The following FRS2 variants were observed in gnomAD, a reference collection of about 807,000 sequenced individuals.
FRS2 encodes the protein FGFR signalling adaptor.
A neutral mutation model predicts 43.9 loss-of-function variants in FRS2; 8 were observed. The observed-to-expected ratio is 0.18, with a 90% CI of 0.11 to 0.33. The LOEUF (loss-of-function observed/expected upper bound fraction) is 0.33, where lower values mean the gene tolerates loss of function less well. Ranked by LOEUF, FRS2 falls within the 10% of genes least tolerant of loss-of-function variation. The pLI is 1.00. For synonymous variants in FRS2, 219 were observed against 220.3 expected (o/e 0.99, Z 0.05); for missense variants, 534 against 627.6 (o/e 0.85, Z 1.59).
chr12:69,556,008 CGGG>C (rs10666921), intron 3 of FRS2, among the ~76,000 whole-genome samples: 4,857 of 123,548 alleles, frequency 0.039, 178 homozygotes, highest in African/African-American at 0.08. Context: ...GTGTGTGTGG[CGGG>C]GGGGGGGGCG....
intron 3 of FRS2, among the ~76,000 whole-genome samples, chr12:69,534,477 C>T (rs1364936999): frequency 6.6e-6 from 1 of 152,094 alleles, no homozygotes; most frequent in East Asian, 1.9e-4. Context: ...GAAAGGAAAA[C>T]CTCTCCTCTC....
intron 3 of FRS2, among the ~76,000 whole-genome samples, chr12:69,538,578 T>A (rs1877567384): frequency 6.6e-6 from 1 of 152,042 alleles, no homozygotes; most frequent in Admixed American, 6.5e-5. Context: ...GTAAGGAGTG[T>A]GTGTGGGGGT....
At chr12:69,480,122 A>G (rs915655264) in intron 1 of FRS2, among the ~76,000 whole-genome samples, 3 of 152,208 alleles carry the variant, frequency 2.0e-5, no homozygotes, top group Admixed American at 2.0e-4. Context: ...TTATGGTTAA[A>G]TACATATAAC....
rs114231953 is a variant in FRS2 at position 69,527,109 on chromosome 12, A to G, written c.-260-3756A>G. Among the ~76,000 whole-genome samples the G allele has an allele frequency of 1.5e-3, 233 of 152,270 alleles. 1 individual carries two copies. The highest frequency in any genetic ancestry group is 0.01 in the Middle Eastern group (3 of 294). On this transcript the variant is annotated intron_variant, in intron 1 of 8. Coordinates refer to ENST00000549921, the MANE Select transcript of FRS2 (RefSeq NM_001278356.2). ...CTGACTTTTCTAAGTGTATGGAATA[A>G]CAATCAGTCATTTAAAGGTGATTTG...
At chr12:69,527,619 C>T (rs748056892) in intron 1 of FRS2, among the ~76,000 whole-genome samples, 5 of 152,066 alleles carry the variant, frequency 3.3e-5, no homozygotes, top group Non-Finnish European at 4.4e-5. Flanking sequence ...GATTTGGAAT[C>T]CTGAGGCTAT....
chr12:69,543,605 T>C (rs982725372), intron 3 of FRS2, among the ~76,000 whole-genome samples: 2 of 151,448 alleles, frequency 1.3e-5, no homozygotes, highest in East Asian at 3.9e-4. Flanking sequence ...CATCATGGGC[T>C]AGTGGGTAAG....
At chr12:69,524,687 C>A (rs1355391167) in intron 1 of FRS2, among the ~76,000 whole-genome samples, 1 of 152,148 alleles carries the variant, frequency 6.6e-6, no homozygotes, top group Non-Finnish European at 1.5e-5. Context: ...CAGGTCAATT[C>A]TAGGGGAATG....
Position 69,485,004 on chromosome 12 carries a change from G to C in FRS2, c.-261+14474G>C, listed in dbSNP as rs141644729. ...CATGCACCTGTGGTCCCAGCTACTT[G>C]AGAGGCTGAGGTGGAAGGATCACTT... On this transcript the variant is annotated intron_variant, in intron 1 of 8. Coordinates refer to ENST00000549921, the MANE Select transcript of FRS2 (RefSeq NM_001278356.2). Among the ~76,000 whole-genome samples the C allele has an allele frequency of 4.0e-3, 601 of 151,148 alleles. 4 individuals are homozygous for C. Among genetic ancestry groups the C allele is most frequent in the African/African-American group, 0.014 (571 of 41,194 alleles).
chr12:69,569,973 T>C (rs1880608236), intron 5 of FRS2, among the ~76,000 whole-genome samples: 1 of 152,250 alleles, frequency 6.6e-6, no homozygotes, highest in Non-Finnish European at 1.5e-5. Context: ...TCTGATTTTA[T>C]TTTCTGCGTA....
At chr12:69,498,875 C>G (rs954217655) in intron 1 of FRS2, among the ~76,000 whole-genome samples, 1 of 152,120 alleles carries the variant, frequency 6.6e-6, no homozygotes, top group African/African-American at 2.4e-5. Flanking sequence ...AGTAATAACA[C>G]TATTGTTTAT....
At position 69,577,148 on chromosome 12, in the gene FRS2, T is replaced by C. The variant is rs1326176535; in HGVS notation, c.*2193T>C. 6.6e-6 allele frequency: 1 copy of C among 152,170 alleles called. No homozygotes were observed. The highest frequency in any genetic ancestry group is 1.5e-5 in the Non-Finnish European group (1 of 68,006). 9.4% of individuals were successfully genotyped at this position (152,170 alleles called of 1,614,324 possible). ...TTCATTGTTTCCCCCGGATTCTAAT[T>C]AGTTTTTATTTTTTTTAGATAACTC... On this transcript the variant is annotated 3_prime_UTR_variant, in exon 9 of 9. Transcript: ENST00000549921.
At chr12:69,536,312 A>G (rs913876043) in intron 3 of FRS2, among the ~76,000 whole-genome samples, 1 of 150,942 alleles carries the variant, frequency 6.6e-6, no homozygotes, top group African/African-American at 2.4e-5. Context: ...TTAAGTAGAG[A>G]TGGGGTTTCC....
At chr12:69,513,123 C>T (rs1283524966) in intron 1 of FRS2, among the ~76,000 whole-genome samples, 1 of 147,760 alleles carries the variant, frequency 6.8e-6, no homozygotes, top group Non-Finnish European at 1.5e-5. Context: ...TCCTCCCGCC[C>T]CCAAATCTCT....
chr12:69,555,070 G>A lies in FRS2; in HGVS notation c.-121-7110G>A, dbSNP rs577075408. Among the ~76,000 whole-genome samples, 3 of 147,536 alleles carry A rather than the reference G, an allele frequency of 2.0e-5. No individual in the cohort carries two copies. In the South Asian group the frequency reaches 6.5e-4, roughly 32 times the overall value. On this transcript the variant is annotated intron_variant, in intron 3 of 8. Transcript: ENST00000549921. Reference sequence around the variant, plus strand: ...TTTTCGTTTTTCTTTTTTTTGAGACGGAGTCTCACTGTCACCCAGGCTGGA... The same window carrying A: ...TTTTCGTTTTTCTTTTTTTTGAGACAGAGTCTCACTGTCACCCAGGCTGGA...
chr12:69,572,205 A>T lies in FRS2; in HGVS notation c.500A>T (p.His167Leu), dbSNP rs1485467127. ...GDASSHPSSR[H>L]PSVGSARLPS... ...GCTTCATCCCATCCGTCAAGCAGAC[A>T]TCCTTCTGTGGGAAGTGCTCGCCTG... The change falls in exon 8 of 9, where the codon CAT becomes CTT. Residue 167 changes from histidine (H) to leucine (L), a missense_variant. Physicochemically the swap from His to Leu is moderately conservative, Grantham distance 99. Transcript: ENST00000549921. 1 of 1,613,392 alleles carries T rather than the reference A, an allele frequency of 6.2e-7. No homozygotes were observed. Among genetic ancestry groups the T allele is most frequent in the Non-Finnish European group, 8.5e-7 (1 of 1,179,308 alleles).
intron 1 of FRS2, among the ~76,000 whole-genome samples, chr12:69,477,730 T>C (rs1439498101): frequency 6.7e-6 from 1 of 148,302 alleles, no homozygotes; most frequent in South Asian, 2.1e-4. Context: ...ATTTATTTAT[T>C]TATTTATTTA....
intron 1 of FRS2, among the ~76,000 whole-genome samples, chr12:69,482,533 A>G (rs1186377263): frequency 2.0e-5 from 3 of 152,188 alleles, no homozygotes; most frequent in Non-Finnish European, 4.4e-5. Context: ...GTAGATAGTT[A>G]TTGGGAGCCT....
rs141640980 is a variant in FRS2 at position 69,555,335 on chromosome 12, G to T, written c.-121-6845G>T. On this transcript the variant is annotated intron_variant, in intron 3 of 8. Coordinates refer to ENST00000549921, the MANE Select transcript of FRS2 (RefSeq NM_001278356.2). Reference sequence around the variant, plus strand: ...TGCTGGATTACAGGCATGAGCCACTGTGCCCAGCCCTTTTTTCTTATACTT... The same window carrying T: ...TGCTGGATTACAGGCATGAGCCACTTTGCCCAGCCCTTTTTTCTTATACTT... Among the ~76,000 whole-genome samples, 1,264 of 152,202 alleles carry T rather than the reference G, an allele frequency of 8.3e-3. 21 individuals carry two copies. Among genetic ancestry groups the T allele is most frequent in the African/African-American group, 0.029 (1,197 of 41,542 alleles).
At position 69,578,667 on chromosome 12, in the gene FRS2, C is replaced by T. The variant is rs1017234107; in HGVS notation, c.*3712C>T. 6.6e-6 allele frequency: 1 copy of T among 152,528 alleles called. No individual in the cohort carries two copies. The highest frequency in any genetic ancestry group is 1.5e-5 in the Non-Finnish European group (1 of 67,996). The allele number at this position is 152,528 out of a possible 1,614,324, so 9.4% of individuals were successfully genotyped here. On this transcript the variant is annotated 3_prime_UTR_variant, in exon 9 of 9. Coordinates refer to ENST00000549921, the MANE Select transcript of FRS2 (RefSeq NM_001278356.2). Reference sequence around the variant, plus strand: ...TGCAAAATATACATTTTATAAAGGACAAACTTTGTGTTATGTTTTATTTTC... The same window carrying T: ...TGCAAAATATACATTTTATAAAGGATAAACTTTGTGTTATGTTTTATTTTC...
Sources: gnomAD v4.1 joint callset for allele counts (sites outside exome capture counted in the v4.1 genomes callset) on GRCh38, gnomAD v4.1.1 for gene constraint, MANE v1.5 for transcripts, NCBI Gene and HGNC (gene_info 2026-07-23, HGNC 2026-07-21) for gene names.